Variants in CEP85L observed in about 807,000 individuals in gnomAD.
The protein encoded by CEP85L is centrosomal protein of 85 kDa-like.
In CEP85L, 60 loss-of-function variants were observed where a neutral mutation model predicts 100.3. The ratio of observed to expected loss-of-function variants is 0.60; its 90% CI spans 0.49 to 0.74. The LOEUF (loss-of-function observed/expected upper bound fraction) is 0.74. CEP85L is among the 30% of genes least tolerant of loss of function. The pLI is 0.00. For synonymous variants in CEP85L, 319 were observed against 322.7 expected (o/e 0.99, Z 0.12); for missense variants, 973 against 936.2 (o/e 1.04, Z -0.51).
At chr6:118,546,501 A>G (rs1778212063) in intron 3 of CEP85L, among the ~76,000 whole-genome samples, 1 of 152,174 alleles carries the variant, frequency 6.6e-6, no homozygotes, top group Admixed American at 6.5e-5. Context: ...GACAAACTTA[A>G]AGCAGACTTT....
intron 1 of CEP85L, among the ~76,000 whole-genome samples, chr6:118,646,095 T>C (rs1305806901): frequency 6.6e-6 from 1 of 152,130 alleles, no homozygotes; most frequent in African/African-American, 2.4e-5. Context: ...CACACGCCCG[T>C]AGTCCCAGCT....
chr6:118,462,762 C>G lies in CEP85L; in HGVS notation c.*2643G>C, dbSNP rs1219126555. ...ATCTTATTTGGTCTAACAGTAAAAT[C>G]TGTTTTTAATGTGATACAGAAGAGG... On this transcript the variant is annotated 3_prime_UTR_variant, in exon 13 of 13. Transcript: ENST00000368491. 6.6e-6 allele frequency: 1 copy of G among 151,880 alleles called. No homozygotes were observed. Among genetic ancestry groups the G allele is most frequent in the Non-Finnish European group, 1.5e-5 (1 of 67,864 alleles). 9.4% of individuals were successfully genotyped at this position (151,880 alleles called of 1,614,324 possible). A position where few individuals can be genotyped will look rare whatever the true frequency, so the allele number is the denominator to read the frequency against.
rs531489129 is a variant in CEP85L, at chr6:118,469,528, C to T, written c.2023-225G>A. Among the ~76,000 whole-genome samples, 9 of 152,240 alleles carry T rather than the reference C, an allele frequency of 5.9e-5. No homozygotes were observed. The South Asian group carries it at 1.5e-3, about 25-fold the overall frequency. ...TTCTCTGTGCCATCTGATGCTTTAG[C>T]GTATATCCAAGGGAGGAAACATAAA... On this transcript the variant is annotated intron_variant, in intron 11 of 12. Coordinates refer to ENST00000368491, the MANE Select transcript of CEP85L (RefSeq NM_001042475.3).
chr6:118,651,605 C>G (rs1243660141), upstream of CEP85L: 6 of 1,034,514 alleles, frequency 5.8e-6, no homozygotes, highest in Non-Finnish European at 7.0e-6. Context: ...CCCCCTCCGC[C>G]GGCAGAGCCA....
chr6:118,501,803 G>A (rs2114667056), intron 5 of CEP85L: 1 of 1,162,010 alleles, frequency 8.6e-7, no homozygotes, highest in Non-Finnish European at 1.3e-6. Flanking sequence ...GATGGAGGCT[G>A]CTGGCTGAGA....
At chr6:118,521,721 T>A (rs1776679032) in intron 4 of CEP85L, among the ~76,000 whole-genome samples, 2 of 152,066 alleles carry the variant, frequency 1.3e-5, no homozygotes, top group South Asian at 4.1e-4. Flanking sequence ...CAGGCTAGCC[T>A]CCTGCAGGAT....
At chr6:118,674,525 A>AAAAAAAAAAAC (rs1228136100) in intron 1 of CEP85L, among the ~76,000 whole-genome samples, 8 of 147,742 alleles carry the variant, frequency 5.4e-5, no homozygotes, top group Admixed American at 1.4e-4. Flanking sequence ...CTCCATCTCA[A>AAAAAAAAAAAC]AAAAAAAAAA....
At chr6:118,631,742 T>C (rs761824497) in intron 2 of CEP85L, among the ~76,000 whole-genome samples, 2 of 152,128 alleles carry the variant, frequency 1.3e-5, no homozygotes, top group Non-Finnish European at 2.9e-5. Context: ...TAAAGTATTC[T>C]TGAAAAACAA....
intron 3 of CEP85L, among the ~76,000 whole-genome samples, chr6:118,529,923 G>A (rs1382861124): frequency 6.6e-6 from 1 of 151,936 alleles, no homozygotes; most frequent in African/African-American, 2.4e-5. Flanking sequence ...TATAGACCAG[G>A]AGCTACTGTG....
rs528198472 is a variant in CEP85L, at chr6:118,680,855, G to A, written c.-27-28047C>T. 5.5e-5 allele frequency among the ~76,000 whole-genome samples: 8 copies of A among 146,784 alleles called. No individual in the cohort carries two copies. In the East Asian group the frequency reaches 9.8e-4, roughly 18 times the overall value. On this transcript the variant is annotated intron_variant, in intron 1 of 13. Transcript: ENST00000368488. ...CATGCCTCTGCACTCCAGCCTGGGC[G>A]ACACAGTGAGACCTTGTGTCAAAAA...
At chr6:118,677,028 A>T (rs1776505865) in intron 1 of CEP85L, among the ~76,000 whole-genome samples, 1 of 152,168 alleles carries the variant, frequency 6.6e-6, no homozygotes, top group Non-Finnish European at 1.5e-5. Flanking sequence ...CTTGTTGCCT[A>T]GAAAATTATG....
chr6:118,706,695 CCAT>C (rs1777602564), intron 1 of CEP85L, among the ~76,000 whole-genome samples: 1 of 152,198 alleles, frequency 6.6e-6, no homozygotes, highest in Non-Finnish European at 1.5e-5. Flanking sequence ...GGAAACGCCA[CCAT>C]GTCATATTTT....
chr6:118,594,723 G>A (rs1781370742), intron 2 of CEP85L, among the ~76,000 whole-genome samples: 1 of 151,744 alleles, frequency 6.6e-6, no homozygotes, highest in South Asian at 2.1e-4. Context: ...GGGTGTGGTG[G>A]CAGGCGCCTG....
chr6:118,616,562 G>A (rs1773061279), intron 2 of CEP85L, among the ~76,000 whole-genome samples: 1 of 151,094 alleles, frequency 6.6e-6, no homozygotes, highest in African/African-American at 2.4e-5. Flanking sequence ...CAGGGAGTAT[G>A]GGAGGGAACC....
At chr6:118,631,309 A>T (rs970317456) in intron 2 of CEP85L, among the ~76,000 whole-genome samples, 1 of 152,190 alleles carries the variant, frequency 6.6e-6, no homozygotes, top group African/African-American at 2.4e-5. Context: ...AAATGGCTAA[A>T]TTTTTTTACA....
At chr6:118,618,857 G>A (rs538392208) in intron 2 of CEP85L, among the ~76,000 whole-genome samples, 1 of 152,286 alleles carries the variant, frequency 6.6e-6, no homozygotes, top group East Asian at 1.9e-4. Context: ...GCCTTGACAT[G>A]CAAGCATCAG....
intron 3 of CEP85L, among the ~76,000 whole-genome samples, chr6:118,527,335 A>ACTGT (rs879824632): frequency 1.3e-5 from 2 of 151,868 alleles, no homozygotes; most frequent in Non-Finnish European, 2.9e-5. Flanking sequence ...CTTTCCCTGT[A>ACTGT]CTGTCGGCTC....
rs529301061 is a variant in CEP85L at position 118,587,585 on chromosome 6, A to G, written c.233-21269T>C. The stretch of plus-strand genomic sequence containing the variant: ...AACCAACTTGACTATAATGTAAAAA[A>G]TAACACATGGGTCTTTCCAAACTCC... On this transcript the variant is annotated intron_variant, in intron 2 of 12. Coordinates refer to ENST00000368491, the MANE Select transcript of CEP85L (RefSeq NM_001042475.3). Among the ~76,000 whole-genome samples, 8 of 152,260 alleles carry G rather than the reference A, an allele frequency of 5.3e-5. No individual in the cohort carries two copies. In the South Asian group the frequency reaches 1.7e-3, roughly 32 times the overall value.
chr6:118,606,371 T>G (rs552506280), intron 2 of CEP85L, among the ~76,000 whole-genome samples: 11 of 152,322 alleles, frequency 7.2e-5, no homozygotes, highest in African/African-American at 2.4e-4. Flanking sequence ...ACCACAGAAA[T>G]GACTTACTTC....
Sources: gnomAD v4.1 joint callset for allele counts (sites outside exome capture counted in the v4.1 genomes callset) on GRCh38, gnomAD v4.1.1 for gene constraint, MANE v1.5 for transcripts, NCBI Gene and HGNC (gene_info 2026-07-23, HGNC 2026-07-21) for gene names.